SLC35F3: variants seen among roughly 807,000 people sequenced by gnomAD.
SLC35F3 encodes putative thiamine transporter SLC35F3.
A neutral mutation model predicts 49.9 loss-of-function variants in SLC35F3; 25 were observed. The ratio of observed to expected loss-of-function variants is 0.50; its 90% CI spans 0.37 to 0.70. The LOEUF (loss-of-function observed/expected upper bound fraction) is 0.70. Ranked by LOEUF, SLC35F3 falls within the 30% of genes least tolerant of loss-of-function variation. The pLI is 0.00. For missense variants in SLC35F3, 525 were observed against 639.8 expected (o/e 0.82, Z 1.94); for synonymous variants, 275 against 265.4 (o/e 1.04, Z -0.35).
At chr1:233,940,268 A>C (rs1662399179) in intron 2 of SLC35F3, among the ~76,000 whole-genome samples, 1 of 152,194 alleles carries the variant, frequency 6.6e-6, no homozygotes, top group Non-Finnish European at 1.5e-5. Flanking sequence ...GAGGAAAAAA[A>C]GCAGCATATG....
At chr1:234,130,614 CCAGG>C (rs1221180350) in intron 2 of SLC35F3, among the ~76,000 whole-genome samples, 10 of 140,666 alleles carry the variant, frequency 7.1e-5, no homozygotes, top group African/African-American at 2.4e-4. Context: ...GCACTCCAGC[CCAGG>C]TGACAGAGAG....
At chr1:234,255,926 A>G (rs1321487075) in intron 3 of SLC35F3, among the ~76,000 whole-genome samples, 1 of 152,208 alleles carries the variant, frequency 6.6e-6, no homozygotes, top group Non-Finnish European at 1.5e-5. Flanking sequence ...TACAACACAA[A>G]GAGTAAGCCC....
intron 2 of SLC35F3, among the ~76,000 whole-genome samples, chr1:234,100,853 T>C (rs1665204173): frequency 1.3e-5 from 2 of 152,188 alleles, no homozygotes. Context: ...GATGCCAGGA[T>C]GGGGCAGGAA....
Position 234,323,127 on chromosome 1 carries a change from A to C in SLC35F3, c.1357A>C (p.Lys453Gln), listed in dbSNP as rs1428461670. 1 of 1,614,110 alleles carries C rather than the reference A, an allele frequency of 6.2e-7. No homozygotes were observed. Among genetic ancestry groups the C allele is most frequent in the South Asian group, 1.1e-5 (1 of 91,080 alleles). The change falls in exon 8 of 8, where the codon AAG becomes CAG. Residue 453 changes from lysine (K) to glutamine (Q), a missense_variant. Around this residue, in one of 4 missense-constraint regions of SLC35F3, gnomAD observed 76 missense variants for 95.6 expected, o/e 0.80. Transcript: ENST00000366618. The surrounding 1 kb of genome is among the most constrained non-coding windows in gnomAD (Gnocchi z 4.5). ...LPEEWDVWLI[K>Q]LLTRLKVRKK... ...AGAGGAGTGGGATGTCTGGTTGATC[A>C]AGCTGCTCACCCGACTCAAAGTGAG...
intron 2 of SLC35F3, among the ~76,000 whole-genome samples, chr1:234,171,537 C>T (rs572631030): frequency 2.6e-5 from 4 of 152,116 alleles, no homozygotes; most frequent in Non-Finnish European, 5.9e-5. Flanking sequence ...GGCTTCCAAG[C>T]CCACCAAATC....
chr1:234,024,700 GATCCATTA>G (rs1663951489), intron 2 of SLC35F3, among the ~76,000 whole-genome samples: 1 of 152,132 alleles, frequency 6.6e-6, no homozygotes, highest in Non-Finnish European at 1.5e-5. Flanking sequence ...CTAACTCATT[GATCCATTA>G]ATCCATCAGT....
chr1:234,003,694 GC>G (rs2102833829), intron 2 of SLC35F3, among the ~76,000 whole-genome samples: 1 of 152,272 alleles, frequency 6.6e-6, no homozygotes, highest in Non-Finnish European at 1.5e-5. Context: ...ACAAAGGACA[GC>G]ATGAAACCAG....
At chr1:234,199,863 A>G (rs1456484293) in intron 2 of SLC35F3, among the ~76,000 whole-genome samples, 1 of 152,214 alleles carries the variant, frequency 6.6e-6, no homozygotes, top group Non-Finnish European at 1.5e-5. Flanking sequence ...AAGAAGAGAT[A>G]CAAATGGTCA....
intron 2 of SLC35F3, among the ~76,000 whole-genome samples, chr1:234,020,916 A>C (rs952259345): frequency 6.6e-6 from 1 of 152,216 alleles, no homozygotes; most frequent in Non-Finnish European, 1.5e-5. Context: ...AGAGCATTCA[A>C]TTGCTACTTT....
In SLC35F3 at chr1:234,216,590, G is replaced by A. The variant is rs551270739; in HGVS notation, c.284-14827G>A. On this transcript the variant is annotated intron_variant, in intron 2 of 7. Transcript: ENST00000366618. ...TCTCCTGCACCTGCTAACGCCAGCAGCTGCCTCGCCACGGGCTTGGCTTTG... is the reference window on the plus strand; with the variant it reads ...TCTCCTGCACCTGCTAACGCCAGCAACTGCCTCGCCACGGGCTTGGCTTTG... Among the ~76,000 whole-genome samples, 37 of 152,354 alleles carry A rather than the reference G, an allele frequency of 2.4e-4. 1 individual carries two copies. The highest frequency in any genetic ancestry group is 8.9e-4 in the African/African-American group (37 of 41,584).
At chr1:234,125,292 CAACAATT>C (rs1665630473) in intron 2 of SLC35F3, among the ~76,000 whole-genome samples, 1 of 152,008 alleles carries the variant, frequency 6.6e-6, no homozygotes, top group South Asian at 2.1e-4. Flanking sequence ...CCCCGAATCT[CAACAATT>C]AACAACAACA....
chr1:233,909,186 T>C (rs1259747059), intron 2 of SLC35F3, among the ~76,000 whole-genome samples: 2 of 152,084 alleles, frequency 1.3e-5, no homozygotes, highest in Non-Finnish European at 2.9e-5. Context: ...TCCCAAAGGC[T>C]CCTGGGTCTG....
At chr1:234,008,285 G>T (rs772856324) in intron 2 of SLC35F3, among the ~76,000 whole-genome samples, 15 of 152,178 alleles carry the variant, frequency 9.9e-5, no homozygotes, top group Non-Finnish European at 1.6e-4. Flanking sequence ...GCTGTCAGGA[G>T]CCAGGTTTTC....
At position 234,095,743 on chromosome 1, in the gene SLC35F3, G is replaced by C. The variant is rs1220135729; in HGVS notation, c.284-135674G>C. 2.0e-5 allele frequency among the ~76,000 whole-genome samples: 3 copies of C among 152,122 alleles called. 1 individual carries two copies. The highest frequency in any genetic ancestry group is 1.3e-4 in the Admixed American group (2 of 15,274). On this transcript the variant is annotated intron_variant, in intron 2 of 7. Coordinates refer to ENST00000366618, the MANE Select transcript of SLC35F3 (RefSeq NM_173508.4). Reference sequence around the variant, plus strand: ...TCATAGTTCTGCCACTTACTTGCTGGGGGAACTTCAGCAGGTTGTTCCACC... The same window carrying C: ...TCATAGTTCTGCCACTTACTTGCTGCGGGAACTTCAGCAGGTTGTTCCACC...
intron 3 of SLC35F3, among the ~76,000 whole-genome samples, chr1:234,256,114 TC>T (rs1395498640): frequency 6.6e-6 from 1 of 152,174 alleles, no homozygotes; most frequent in Non-Finnish European, 1.5e-5. Flanking sequence ...TAAAGTCTAT[TC>T]ATAATTTTAA....
chr1:234,127,625 A>C (rs1243570544), intron 2 of SLC35F3, among the ~76,000 whole-genome samples: 1 of 152,232 alleles, frequency 6.6e-6, no homozygotes, highest in Non-Finnish European at 1.5e-5. Flanking sequence ...AGAGAATGTC[A>C]TAATAGACTG....
chr1:234,035,283 A>G (rs555169367), intron 2 of SLC35F3, among the ~76,000 whole-genome samples: 2 of 152,324 alleles, frequency 1.3e-5, no homozygotes, highest in South Asian at 4.1e-4. Flanking sequence ...AGTTGAAAAT[A>G]ATGATCCTAG....
intron 2 of SLC35F3, among the ~76,000 whole-genome samples, chr1:234,061,980 T>G (rs964754398): frequency 5.3e-5 from 8 of 152,196 alleles, no homozygotes; most frequent in Non-Finnish European, 1.2e-4. Flanking sequence ...TCAGTTTCTG[T>G]TGTCTATTTT....
intron 2 of SLC35F3, among the ~76,000 whole-genome samples, chr1:234,066,281 T>C (rs3892723): frequency 0.074 from 11,310 of 152,144 alleles, 663 homozygotes; most frequent in East Asian, 0.25. Context: ...TCCTCTGCTA[T>C]AGCGATTCCC....
Sources: allele counts gnomAD v4.1 joint callset (sites outside exome capture counted in the v4.1 genomes callset), GRCh38; gene constraint gnomAD v4.1.1; regional missense constraint gnomAD v4.1.1; non-coding constraint Gnocchi (gnomAD v3.1); transcripts MANE v1.5; gene names NCBI Gene and HGNC (gene_info 2026-07-23, HGNC 2026-07-21).